PDE4DIP: variants seen among roughly 807,000 people sequenced by gnomAD.
PDE4DIP encodes myomegalin.
Under a neutral mutation model 221.4 loss-of-function variants are expected in PDE4DIP, and 59 were observed. That is an observed-to-expected ratio of 0.27 (90% CI 0.22 to 0.33). The LOEUF is 0.33. PDE4DIP is among the 10% of genes least tolerant of loss of function. PDE4DIP has a pLI of 1.00. For synonymous variants in PDE4DIP, 404 were observed against 815.9 expected (o/e 0.50, Z 8.60); for missense variants, 1,036 against 2,154.2 (o/e 0.48, Z 10.28).
At chr1:148,984,053 A>T (rs1553546615) in intron 21 of PDE4DIP, 1 of 152,090 alleles carries the variant, frequency 6.6e-6, no homozygotes, top group Non-Finnish European at 1.5e-5. Context: ...CCTTAGATAG[A>T]TATTGTCCCT....
rs200521023 is a variant in PDE4DIP, at chr1:148,821,030, T to C, written c.233+12293T>C. Among the ~76,000 whole-genome samples the C allele has an allele frequency of 2.7e-4, 41 of 150,094 alleles. No individual in the cohort carries two copies. In the East Asian group the frequency reaches 5.6e-3, roughly 21 times the overall value. ...CCTCGCCCGGCTAATTTTTCGTATT[T>C]TCAGTAGAGACGGGGTTTCACCGTG... is the stretch of plus-strand genomic sequence containing the variant. On this transcript the variant is annotated intron_variant, in intron 1 of 45. Transcript: ENST00000524974.
Position 148,980,173 on chromosome 1 carries a change from C to T in PDE4DIP, c.2687+324C>T, listed in dbSNP as rs587631567. 3.9e-5 allele frequency among the ~76,000 whole-genome samples: 6 copies of T among 152,320 alleles called. No homozygotes were observed. In the East Asian group the frequency reaches 1.2e-3, roughly 29 times the overall value. The stretch of plus-strand genomic sequence containing the variant: ...TGTATGTTCATTTCTTTTCTGTGAT[C>T]CATGTCCTGTTAAAGGCTGTTCTAT... On this transcript the variant is annotated intron_variant, in intron 20 of 43. Transcript: ENST00000369354.
chr1:149,009,539 T>C, intron 29 of PDE4DIP, 29 bp from the exon 33 acceptor site: 1 of 1,489,290 alleles, frequency 6.7e-7, no homozygotes. Flanking sequence ...GACCTTGGTT[T>C]TACCCGTTGT....
intron 23 of PDE4DIP, among the ~76,000 whole-genome samples, chr1:149,000,974 T>A (rs2152474791): frequency 6.6e-6 from 1 of 150,500 alleles, no homozygotes; most frequent in Non-Finnish European, 1.5e-5. Context: ...CTTCAACAAA[T>A]ATGAATGATT....
intron 2 of PDE4DIP, chr1:148,866,536 G>A (rs1415428165): frequency 4.1e-5 from 1 of 24,608 alleles, no homozygotes; most frequent in Non-Finnish European, 7.6e-5. Flanking sequence ...AAAGAAGGCA[G>A]GGAAGGAGGG....
At position 148,892,370 on chromosome 1, in the gene PDE4DIP, C is replaced by T. The variant is rs1200757537; in HGVS notation, c.141+2476C>T. Among the ~76,000 whole-genome samples, 4 of 121,812 alleles carry T rather than the reference C, an allele frequency of 3.3e-5. 1 individual carries two copies. Among genetic ancestry groups the T allele is most frequent in the African/African-American group, 1.0e-4 (3 of 29,400 alleles). The allele number at this position is 121,812 out of a possible 152,430, so 79.9% of individuals were successfully genotyped here. A position where few individuals can be genotyped will look rare whatever the true frequency, so the allele number is the denominator to read the frequency against. On this transcript the variant is annotated intron_variant, in intron 1 of 43. Transcript: ENST00000369354. ...GATCTCACTCTCTGCTCCGCCCTAG[C>T]GAAAGATCTTTAGGAAACAACTTTG...
chr1:148,820,830 A>ATTAT (rs56760360), intron 1 of PDE4DIP, among the ~76,000 whole-genome samples: 33,354 of 110,644 alleles, frequency 0.3, 4,604 homozygotes, highest in African/African-American at 0.46. Flanking sequence ...GGATGATCTG[A>ATTAT]TTATTTATTT....
chr1:148,969,857 C>T (rs1349525224), intron 14 of PDE4DIP, among the ~76,000 whole-genome samples: 1 of 152,038 alleles, frequency 6.6e-6, no homozygotes, highest in East Asian at 1.9e-4. Flanking sequence ...CAGGCATGCA[C>T]CACCATGCCC....
chr1:148,903,329 CTG>C (rs1177057251), intron 1 of PDE4DIP, among the ~76,000 whole-genome samples: 6 of 135,288 alleles, frequency 4.4e-5, no homozygotes, highest in Non-Finnish European at 7.8e-5. Flanking sequence ...GATGTACAGA[CTG>C]TGAAGATTTT....
intron 1 of PDE4DIP, among the ~76,000 whole-genome samples, chr1:148,927,555 C>T (rs2046991955): frequency 6.6e-6 from 1 of 151,896 alleles, no homozygotes; most frequent in Non-Finnish European, 1.5e-5. Context: ...TTGTATGTTG[C>T]CTTGGACTTC....
chr1:148,952,892 G>C (rs200487382), intron 5 of PDE4DIP: 2 of 1,556,126 alleles, frequency 1.3e-6, no homozygotes, highest in East Asian at 2.2e-5. Context: ...GCACGTCTTG[G>C]GCAAGGATGT....
intron 43 of PDE4DIP, chr1:149,030,560 A>C (rs1160349515): frequency 1.2e-6 from 1 of 869,452 alleles, no homozygotes; most frequent in Non-Finnish European, 1.4e-6. Flanking sequence ...AAGTTCAGAG[A>C]CTGGAGAAAT....
At chr1:148,930,623 A>T (rs1470236167) in intron 2 of PDE4DIP, 3 of 150,564 alleles carry the variant, frequency 2.0e-5, no homozygotes, top group Non-Finnish European at 4.4e-5. Flanking sequence ...AAAAAAAAAT[A>T]CCTTGGAATA....
chr1:149,030,158 A>C lies in PDE4DIP; in HGVS notation c.6953-74A>C, dbSNP rs868928666. The C allele has an allele frequency of 7.0e-3, 8,767 of 1,257,924 alleles. 151 individuals carry two copies. Among genetic ancestry groups the C allele is most frequent in the Non-Finnish European group, 8.3e-3 (7,363 of 887,604 alleles). The allele number at this position is 1,257,924 out of a possible 1,614,324, so 77.9% of individuals were successfully genotyped here. A position where few individuals can be genotyped will look rare whatever the true frequency, so the allele number is the denominator to read the frequency against. The stretch of plus-strand genomic sequence containing the variant: ...AGCCAGAAAGAAATAAATGCTTTAG[A>C]ATTCTCATGCTAAGCAAGTAGGGTT... On this transcript the variant is annotated intron_variant, in intron 42 of 43. Coordinates refer to ENST00000369354, the Ensembl canonical transcript of PDE4DIP.
chr1:148,962,285 T>G (rs1223463040), exon 8 of PDE4DIP: 1 of 1,535,238 alleles, frequency 6.5e-7, no homozygotes, highest in Non-Finnish European at 9.0e-7. Context: ...TTGGACAACT[T>G]CACGTATGTG....
chr1:148,820,830 A>ATTTT (rs782549175), intron 1 of PDE4DIP, among the ~76,000 whole-genome samples: 3 of 112,314 alleles, frequency 2.7e-5, no homozygotes, highest in African/African-American at 1.0e-4. Context: ...GGATGATCTG[A>ATTTT]TTATTTATTT....
intron 5 of PDE4DIP, chr1:148,938,069 A>G (rs1281316737): frequency 2.8e-5 from 13 of 464,704 alleles, no homozygotes; most frequent in South Asian, 4.8e-5. Context: ...TTGGAGTCTC[A>G]TAAGTGTGAA....
In PDE4DIP at chr1:148,940,497, T is replaced by C. The variant is rs1300428563; in HGVS notation, c.636+2633T>C. ...CTTTTTCATAGAAAATTCATTTTCATAGGAAATGAGTGTACATCTATGGTA... is the reference window on the plus strand; with the variant it reads ...CTTTTTCATAGAAAATTCATTTTCACAGGAAATGAGTGTACATCTATGGTA... On this transcript the variant is annotated intron_variant, in intron 5 of 43. Transcript: ENST00000369354. 1.9e-4 allele frequency among the ~76,000 whole-genome samples: 28 copies of C among 150,488 alleles called. 1 individual carries two copies. Among genetic ancestry groups the C allele is most frequent in the Non-Finnish European group, 1.0e-4 (7 of 66,968 alleles).
intron 5 of PDE4DIP, among the ~76,000 whole-genome samples, chr1:148,943,912 A>G (rs2051024975): frequency 1.3e-5 from 2 of 151,174 alleles, no homozygotes; most frequent in Admixed American, 6.6e-5. Flanking sequence ...GTGTCTTCAC[A>G]TGGTAGAAGG....
Sources: allele counts gnomAD v4.1 joint callset (sites outside exome capture counted in the v4.1 genomes callset), GRCh38; gene constraint gnomAD v4.1.1; transcripts MANE v1.5; gene names NCBI Gene and HGNC (gene_info 2026-07-23, HGNC 2026-07-21).